The following FOCAD variants were observed in gnomAD, a reference collection of about 807,000 sequenced individuals.
FOCAD encodes focadhesin.
FOCAD carries 198 observed loss-of-function variants against 225.6 expected under a neutral mutation model. That is an observed-to-expected ratio of 0.88 (90% CI 0.78 to 0.99). The LOEUF (loss-of-function observed/expected upper bound fraction) is 0.99, where lower values mean the gene tolerates loss of function less well. Among genes scored for constraint, FOCAD ranks in the 50% least tolerant of loss-of-function variants. The pLI is 0.00. For synonymous variants in FOCAD, 897 were observed against 755.0 expected, an observed-to-expected ratio of 1.19 and a Z score of -3.08; for missense variants, 2,713 against 2,123.6, an observed-to-expected ratio of 1.28 and a Z score of -5.46.
rs118128141 is a variant in FOCAD at position 20,848,545 on chromosome 9, G to A, written c.1921-14033G>A. Among the ~76,000 whole-genome samples, 342 of 152,018 alleles carry A rather than the reference G, an allele frequency of 2.2e-3. 10 individuals are homozygous for A. The East Asian group carries it at 0.044, about 20-fold the overall frequency. On this transcript the variant is annotated intron_variant, in intron 15 of 43. Transcript: ENST00000338382. ...TGGCTAGCCTCTTGGAAGATGGAAG[G>A]GTCAGAGACAAGAGGGTAAGCTAAG... is the stretch of plus-strand genomic sequence containing the variant.
intron 2 of FOCAD, among the ~76,000 whole-genome samples, chr9:20,668,283 C>A (rs184457032): frequency 3.9e-5 from 6 of 152,208 alleles, no homozygotes; most frequent in Non-Finnish European, 7.4e-5. Context: ...TTAATGACTC[C>A]ATTTTAACAA....
chr9:20,839,814 C>G (rs1826341160), intron 15 of FOCAD, among the ~76,000 whole-genome samples: 1 of 151,934 alleles, frequency 6.6e-6, no homozygotes, highest in South Asian at 2.1e-4. Flanking sequence ...CATTCCATAC[C>G]TGGCCCTGAT....
intron 15 of FOCAD, among the ~76,000 whole-genome samples, chr9:20,836,091 T>A (rs771848759): frequency 6.6e-6 from 1 of 152,108 alleles, no homozygotes; most frequent in African/African-American, 2.4e-5. Flanking sequence ...CTCATCATCC[T>A]AACCCTTTGT....
intron 35 of FOCAD, among the ~76,000 whole-genome samples, chr9:20,965,403 G>A (rs913551078): frequency 2.0e-5 from 3 of 152,142 alleles, no homozygotes; most frequent in Middle Eastern, 3.2e-3. Context: ...AGAACAGAAA[G>A]ATATCAGGCG....
At chr9:20,911,538 G>A (rs1041179779) in intron 22 of FOCAD, among the ~76,000 whole-genome samples, 5 of 152,080 alleles carry the variant, frequency 3.3e-5, no homozygotes, top group Admixed American at 6.6e-5. Context: ...CATGAAAGAC[G>A]GTTTTGTAAG....
chr9:20,715,303 T>A lies in FOCAD; in HGVS notation c.-32-19T>A. 1 of 1,227,842 alleles carries A rather than the reference T, an allele frequency of 8.1e-7. No individual in the cohort carries two copies. Among genetic ancestry groups the A allele is most frequent in the Non-Finnish European group, 1.1e-6 (1 of 899,532 alleles). 76.1% of individuals were successfully genotyped at this position (1,227,842 alleles called of 1,614,324 possible). A position where few individuals can be genotyped will look rare whatever the true frequency, so the allele number is the denominator to read the frequency against. On this transcript the variant is annotated intron_variant, in intron 1 of 43. Coordinates refer to ENST00000338382, the MANE Select transcript of FOCAD (RefSeq NM_001375567.1). ...GACCAGTTGGAAGACTAACAAATAT[T>A]CTTTTGTTTTGGTTACAGAAGCTGC...
intron 21 of FOCAD, among the ~76,000 whole-genome samples, chr9:20,889,211 A>G (rs1831398055): frequency 6.6e-6 from 1 of 152,178 alleles, no homozygotes; most frequent in African/African-American, 2.4e-5. Flanking sequence ...GACATTTCAT[A>G]TAAATACCAT....
chr9:20,888,839 G>A (rs1831355173), intron 21 of FOCAD, among the ~76,000 whole-genome samples: 2 of 152,006 alleles, frequency 1.3e-5, no homozygotes, highest in South Asian at 2.1e-4. Flanking sequence ...GATGTGACTC[G>A]CTCCTCCTTG....
intron 24 of FOCAD, among the ~76,000 whole-genome samples, chr9:20,920,829 G>T (rs1834349501): frequency 6.6e-6 from 1 of 150,756 alleles, no homozygotes; most frequent in Non-Finnish European, 1.5e-5. Flanking sequence ...GGGGGGAGTG[G>T]GGAGGGATAG....
At chr9:20,869,070 A>G (rs1829540605) in intron 18 of FOCAD, among the ~76,000 whole-genome samples, 2 of 152,202 alleles carry the variant, frequency 1.3e-5, no homozygotes, top group African/African-American at 2.4e-5. Context: ...ATGTGACACT[A>G]TAAAACAGTG....
intron 15 of FOCAD, among the ~76,000 whole-genome samples, chr9:20,860,691 A>G (rs1419654044): frequency 1.3e-5 from 2 of 152,098 alleles, no homozygotes; most frequent in African/African-American, 2.4e-5. Context: ...TTATACTTTT[A>G]GTAGAGACAG....
intron 15 of FOCAD, among the ~76,000 whole-genome samples, chr9:20,827,117 T>G (rs1281753535): frequency 6.6e-6 from 1 of 152,114 alleles, no homozygotes; most frequent in African/African-American, 2.4e-5. Flanking sequence ...TTCAGAGAGT[T>G]ATGCCACCAT....
At chr9:20,776,286 C>T (rs1818746116) in intron 8 of FOCAD, among the ~76,000 whole-genome samples, 1 of 152,176 alleles carries the variant, frequency 6.6e-6, no homozygotes, top group South Asian at 2.1e-4. Flanking sequence ...TATTCTGGGG[C>T]AGGGAGCAAG....
At chr9:20,983,596 G>A (rs1408160800) in intron 39 of FOCAD, among the ~76,000 whole-genome samples, 1 of 149,380 alleles carries the variant, frequency 6.7e-6, no homozygotes, top group Admixed American at 6.7e-5. Context: ...AAGAATATAT[G>A]GAATATCAAC....
Position 20,929,474 on chromosome 9 carries a change from C to A in FOCAD, c.3195C>A (p.Ile1065=), listed in dbSNP as rs780601009. Residue 1065 remains isoleucine (I), a synonymous_variant, in exon 27 of 44, where the codon ATC becomes ATA. Transcript: ENST00000338382. ...CTTGCAAAGAGAAGGTTGAGGAAAT[C>A]CTGAACATGCTGACTGCCAGGTTAC... ...IISCKEKVEE[I]LNMLTARLPG... is the part of the protein sequence containing the mutation. The A allele has an allele frequency of 6.2e-7, 1 of 1,614,136 alleles. No homozygotes were observed. The highest frequency in any genetic ancestry group is 1.1e-5 in the South Asian group (1 of 91,074).
At chr9:20,752,100 T>C (rs1297833958) in intron 5 of FOCAD, among the ~76,000 whole-genome samples, 5 of 146,562 alleles carry the variant, frequency 3.4e-5, no homozygotes, top group East Asian at 2.0e-4. Flanking sequence ...TTCTCCCATT[T>C]TGTAGGTTGC....
In FOCAD at chr9:20,936,551, G is replaced by A. The variant is rs138328582; in HGVS notation, c.3407+3448G>A. On this transcript the variant is annotated intron_variant, in intron 28 of 43. Coordinates refer to ENST00000338382, the MANE Select transcript of FOCAD (RefSeq NM_001375567.1). ...CTTCTTAAGAGTGTGGTTTGAGGCC[G>A]GGCGCGGTGGCTCACGCCTGTAATC... 3.0e-3 allele frequency among the ~76,000 whole-genome samples: 454 copies of A among 152,192 alleles called. 1 individual carries two copies. The highest frequency in any genetic ancestry group is 0.01 in the African/African-American group (432 of 41,522).
At chr9:20,785,425 C>G (rs1819816321) in intron 10 of FOCAD, among the ~76,000 whole-genome samples, 1 of 152,144 alleles carries the variant, frequency 6.6e-6, no homozygotes, top group Non-Finnish European at 1.5e-5. Flanking sequence ...ACCCCTCAGG[C>G]TAGGCAGTCC....
chr9:20,713,804 A>G (rs1465067636), intron 1 of FOCAD, among the ~76,000 whole-genome samples: 1 of 152,170 alleles, frequency 6.6e-6, no homozygotes, highest in Non-Finnish European at 1.5e-5. Flanking sequence ...CCAGGGACAC[A>G]CTTTAGGAGA....
Sources: allele counts gnomAD v4.1 joint callset (sites outside exome capture counted in the v4.1 genomes callset), GRCh38; gene constraint gnomAD v4.1.1; transcripts MANE v1.5; gene names NCBI Gene and HGNC (gene_info 2026-07-23, HGNC 2026-07-21).